The following EYA1 variants were observed in gnomAD, a reference collection of about 807,000 sequenced individuals.
EYA1 encodes the protein EYA transcriptional coactivator and phosphatase 1, also known as protein phosphatase EYA1.
EYA1 carries 16 observed loss-of-function variants against 82.0 expected under a neutral mutation model. The observed-to-expected ratio is 0.20, with a 90% confidence interval of 0.13 to 0.30. The LOEUF is 0.30. EYA1 is among the 10% of genes least tolerant of loss of function. The pLI, the probability that EYA1 is intolerant of heterozygous loss-of-function variation, is 1.00. For missense variants in EYA1, 633 were observed against 730.7 expected (o/e 0.87, Z 1.54); for synonymous variants, 261 against 264.4 (o/e 0.99, Z 0.12).
chr8:71,353,111 C>T (rs1253046081), intron 3 of EYA1, among the ~76,000 whole-genome samples: 1 of 152,170 alleles, frequency 6.6e-6, no homozygotes, highest in African/African-American at 2.4e-5. Context: ...GAATGACTGT[C>T]TTATCTGGAC....
chr8:71,286,117 C>T (rs1818336205), intron 9 of EYA1, among the ~76,000 whole-genome samples: 1 of 152,160 alleles, frequency 6.6e-6, no homozygotes. Flanking sequence ...TGAGATGTGA[C>T]AAACAACTTC....
chr8:71,211,329 T>A, intron 16 of EYA1, 73 bp from the exon 17 acceptor site: 1 of 951,434 alleles, frequency 1.1e-6, no homozygotes, highest in Non-Finnish European at 1.7e-6. Flanking sequence ...GAACTTTTTA[T>A]ATAAAATGCT....
intron 2 of EYA1, among the ~76,000 whole-genome samples, chr8:71,380,506 G>A (rs1041428243): frequency 1.3e-5 from 2 of 152,140 alleles, no homozygotes; most frequent in African/African-American, 4.8e-5. Context: ...TGCCCCTGCG[G>A]CATGTCTATG....
At chr8:71,479,276 C>T (rs546269962) in intron 2 of EYA1, among the ~76,000 whole-genome samples, 1 of 152,170 alleles carries the variant, frequency 6.6e-6, no homozygotes, top group South Asian at 2.1e-4. Context: ...GGCTCACTTT[C>T]TCTACTTCCT....
In EYA1 at chr8:71,237,893, T is replaced by C. The variant is rs541729920; in HGVS notation, c.1140+6710A>G. Among the ~76,000 whole-genome samples the C allele has an allele frequency of 3.4e-3, 523 of 152,290 alleles. 1 individual carries two copies. Among genetic ancestry groups the C allele is most frequent in the Middle Eastern group, 0.014 (4 of 292 alleles). On this transcript the variant is annotated intron_variant, in intron 12 of 17. Coordinates refer to ENST00000340726, the MANE Select transcript of EYA1 (RefSeq NM_000503.6). ...AATTTCTATAAACTAAATGCATGGG[T>C]ATAACTAACACCCAGATGAAGAAAC...
intron 9 of EYA1, among the ~76,000 whole-genome samples, chr8:71,293,964 G>C (rs925224211): frequency 3.3e-5 from 5 of 150,972 alleles, no homozygotes; most frequent in African/African-American, 1.2e-4. Flanking sequence ...TATACAAATT[G>C]GGAAGGAAGA....
intron 2 of EYA1, among the ~76,000 whole-genome samples, chr8:71,462,953 T>G (rs1586766699): frequency 6.6e-6 from 1 of 152,200 alleles, no homozygotes; most frequent in Non-Finnish European, 1.5e-5. Context: ...CAATTTGAAA[T>G]TTTTCTAGTA....
chr8:71,483,767 G>A (rs1777690000), intron 2 of EYA1, among the ~76,000 whole-genome samples: 1 of 152,066 alleles, frequency 6.6e-6, no homozygotes, highest in African/African-American at 2.4e-5. Context: ...AGCCCATAAG[G>A]AAAGTTAGCA....
intron 2 of EYA1, among the ~76,000 whole-genome samples, chr8:71,397,956 A>G (rs910219674): frequency 1.3e-5 from 2 of 152,094 alleles, no homozygotes; most frequent in African/African-American, 4.8e-5. Context: ...GTTTTCACAT[A>G]GTTCCATATT....
chr8:71,347,033 A>G (rs1825809663), intron 3 of EYA1, among the ~76,000 whole-genome samples: 1 of 152,316 alleles, frequency 6.6e-6, no homozygotes, highest in African/African-American at 2.4e-5. Flanking sequence ...CACACATATA[A>G]ATGAATGTTG....
intron 2 of EYA1, among the ~76,000 whole-genome samples, chr8:71,395,422 G>A (rs1829538281): frequency 6.6e-6 from 1 of 152,208 alleles, no homozygotes; most frequent in African/African-American, 2.4e-5. Flanking sequence ...GATATTGGCT[G>A]TGGGTTTGTC....
chr8:71,390,322 G>T (rs4490878), intron 2 of EYA1, among the ~76,000 whole-genome samples: 1,992 of 150,922 alleles, frequency 0.013, 42 homozygotes, highest in African/African-American at 0.045. Context: ...CCAGGCTGGA[G>T]TGCAGTGGCA....
intron 2 of EYA1, among the ~76,000 whole-genome samples, chr8:71,427,927 C>T (rs1010188428): frequency 6.7e-6 from 1 of 150,272 alleles, no homozygotes; most frequent in African/African-American, 2.5e-5. Context: ...CTGCAGTGAG[C>T]AGTGATGGCA....
intron 11 of EYA1, among the ~76,000 whole-genome samples, chr8:71,251,789 C>G (rs769172830): frequency 6.6e-5 from 10 of 151,936 alleles, no homozygotes; most frequent in Non-Finnish European, 1.2e-4. Flanking sequence ...GTACCCAAAT[C>G]ACCAGCATCA....
intron 11 of EYA1, among the ~76,000 whole-genome samples, chr8:71,267,691 G>GTT (rs1199544638): frequency 1.3e-5 from 2 of 152,092 alleles, no homozygotes; most frequent in African/African-American, 2.4e-5. Flanking sequence ...TGGGACTACA[G>GTT]GCACCTGCCA....
chr8:71,330,489 T>G (rs1563478769), intron 4 of EYA1, among the ~76,000 whole-genome samples: 1 of 152,174 alleles, frequency 6.6e-6, no homozygotes, highest in East Asian at 1.9e-4. Context: ...TCTAACGAAT[T>G]TCCTTTCCTT....
intron 7 of EYA1, among the ~76,000 whole-genome samples, chr8:71,313,159 T>C (rs1821539988): frequency 6.6e-6 from 1 of 152,170 alleles, no homozygotes; most frequent in Admixed American, 6.5e-5. Context: ...ATACAGCTTT[T>C]CCTCTCTCCT....
intron 2 of EYA1, among the ~76,000 whole-genome samples, chr8:71,533,710 G>A (rs188740386): frequency 2.6e-5 from 4 of 152,276 alleles, no homozygotes; most frequent in East Asian, 1.9e-4. Context: ...AAGGAAGCCC[G>A]AGGAGCTCAC....
intron 11 of EYA1, among the ~76,000 whole-genome samples, chr8:71,261,232 G>A (rs892181702): frequency 6.6e-6 from 1 of 152,008 alleles, no homozygotes; most frequent in Non-Finnish European, 1.5e-5. Context: ...TACAACTTAC[G>A]AGACCCAAAG....
Sources: gnomAD v4.1 joint callset for allele counts (sites outside exome capture counted in the v4.1 genomes callset) on GRCh38, gnomAD v4.1.1 for gene constraint, MANE v1.5 for transcripts, NCBI Gene and HGNC (gene_info 2026-07-23, HGNC 2026-07-21) for gene names.